KCNH5: variants seen among roughly 807,000 people sequenced by gnomAD.
KCNH5 encodes the protein voltage-gated delayed rectifier potassium channel KCNH5.
A neutral mutation model predicts 96.1 loss-of-function variants in KCNH5; 46 were observed. The ratio of observed to expected loss-of-function variants is 0.48; its 90% CI spans 0.38 to 0.61. The LOEUF (loss-of-function observed/expected upper bound fraction) is 0.61. KCNH5 is among the 20% of genes least tolerant of loss of function. KCNH5 has a pLI of 0.00. For synonymous variants in KCNH5, 439 were observed against 449.8 expected, an observed-to-expected ratio of 0.98 and a Z score of 0.30; for missense variants, 907 against 1,225.8, an observed-to-expected ratio of 0.74 and a Z score of 3.88.
At chr14:62,993,786 G>A (rs949445358) in intron 4 of KCNH5, among the ~76,000 whole-genome samples, 4 of 152,026 alleles carry the variant, frequency 2.6e-5, no homozygotes, top group African/African-American at 9.7e-5. Flanking sequence ...TACATTTACT[G>A]ATCTCACCTT....
intron 7 of KCNH5, among the ~76,000 whole-genome samples, chr14:62,917,294 A>C (rs1889293660): frequency 6.6e-6 from 1 of 150,956 alleles, no homozygotes; most frequent in Non-Finnish European, 1.5e-5. Context: ...TCATGTGTTT[A>C]CTGCTCCCTA....
At chr14:62,883,402 G>T (rs1462054828) in intron 7 of KCNH5, among the ~76,000 whole-genome samples, 1 of 152,164 alleles carries the variant, frequency 6.6e-6, no homozygotes, top group Non-Finnish European at 1.5e-5. Flanking sequence ...GGGTGATTAT[G>T]ATTAACTAGG....
intron 9 of KCNH5, among the ~76,000 whole-genome samples, chr14:62,792,101 G>A (rs749120719): frequency 8.8e-4 from 133 of 151,444 alleles, no homozygotes; most frequent in Non-Finnish European, 1.7e-3. Flanking sequence ...ATTTTAAAAA[G>A]GAAGAACAGA....
intron 7 of KCNH5, among the ~76,000 whole-genome samples, chr14:62,908,112 C>A (rs1034941074): frequency 6.6e-6 from 1 of 152,082 alleles, no homozygotes; most frequent in African/African-American, 2.4e-5. Flanking sequence ...ATGTTTTCAG[C>A]TCAGTTTGTA....
At chr14:62,866,015 G>A (rs2140061290) in intron 7 of KCNH5, among the ~76,000 whole-genome samples, 1 of 152,226 alleles carries the variant, frequency 6.6e-6, no homozygotes, top group East Asian at 1.9e-4. Flanking sequence ...AAATCCATGT[G>A]ATGACATATG....
chr14:63,034,625 A>G (rs1250405413), intron 1 of KCNH5, among the ~76,000 whole-genome samples: 1 of 152,214 alleles, frequency 6.6e-6, no homozygotes, highest in East Asian at 1.9e-4. Context: ...ATATCTGTTA[A>G]TTTATTCAAA....
At chr14:62,907,519 A>G (rs1394008661) in intron 7 of KCNH5, among the ~76,000 whole-genome samples, 1 of 152,210 alleles carries the variant, frequency 6.6e-6, no homozygotes, top group East Asian at 1.9e-4. Context: ...GGCAACTGCC[A>G]AGGTTAGTAT....
intron 2 of KCNH5, among the ~76,000 whole-genome samples, chr14:63,011,667 G>T (rs1012087768): frequency 1.3e-5 from 2 of 152,004 alleles, no homozygotes; most frequent in Non-Finnish European, 2.9e-5. Flanking sequence ...GGAAAAACAG[G>T]GATAGCACTG....
intron 9 of KCNH5, among the ~76,000 whole-genome samples, chr14:62,800,117 T>C (rs901632204): frequency 3.3e-5 from 5 of 151,906 alleles, no homozygotes; most frequent in Admixed American, 1.3e-4. Flanking sequence ...CCTGATCTGA[T>C]GGGCTTTTGA....
At chr14:62,770,577 T>C (rs1407013032) in intron 10 of KCNH5, among the ~76,000 whole-genome samples, 1 of 152,218 alleles carries the variant, frequency 6.6e-6, no homozygotes, top group Non-Finnish European at 1.5e-5. Flanking sequence ...TACCTCTATG[T>C]TCTGTTTTTC....
Position 62,702,881 on chromosome 14 carries a change from G to A in KCNH5, c.*4627C>T, listed in dbSNP as rs192647828. The A allele has an allele frequency of 6.6e-6, 1 of 151,924 alleles. No individual in the cohort carries two copies. The highest frequency in any genetic ancestry group is 1.9e-4 in the East Asian group (1 of 5,164). The allele number at this position is 151,924 out of a possible 1,614,324, so 9.4% of individuals were successfully genotyped here. A position where few individuals can be genotyped will look rare whatever the true frequency, so the allele number is the denominator to read the frequency against. On this transcript the variant is annotated 3_prime_UTR_variant, in exon 11 of 11. Transcript: ENST00000322893. ...TGTTATAAGAGTGTCTGCCCATGTG[G>A]AATCATATATCTTGAACAGGTCATG...
At chr14:62,725,643 A>G (rs1884909996) in intron 10 of KCNH5, among the ~76,000 whole-genome samples, 1 of 152,228 alleles carries the variant, frequency 6.6e-6, no homozygotes, top group African/African-American at 2.4e-5. Flanking sequence ...GACACATACT[A>G]TGCACAGGGA....
In KCNH5 at chr14:62,848,049, T is replaced by G. The variant is rs555451284; in HGVS notation, c.1569+1604A>C. On this transcript the variant is annotated intron_variant, in intron 8 of 10. Coordinates refer to ENST00000322893, the MANE Select transcript of KCNH5 (RefSeq NM_139318.5). Reference sequence around the variant, plus strand: ...TCAAAACTCTGCCCTGTACTAGATTTGTGCCAGAGGCCCTGGCTCAGACTC... The same window carrying G: ...TCAAAACTCTGCCCTGTACTAGATTGGTGCCAGAGGCCCTGGCTCAGACTC... 1.2e-4 allele frequency among the ~76,000 whole-genome samples: 18 copies of G among 152,378 alleles called. No individual in the cohort carries two copies. In the East Asian group the frequency reaches 2.1e-3, roughly 18 times the overall value.
intron 4 of KCNH5, among the ~76,000 whole-genome samples, chr14:62,994,645 T>C (rs1044220476): frequency 6.6e-6 from 1 of 152,042 alleles, no homozygotes; most frequent in Non-Finnish European, 1.5e-5. Flanking sequence ...ATTCTCAACC[T>C]GTGCTTCATT....
intron 10 of KCNH5, among the ~76,000 whole-genome samples, chr14:62,772,403 C>G (rs192650915): frequency 2.6e-4 from 39 of 152,090 alleles, no homozygotes; most frequent in African/African-American, 8.2e-4. Context: ...CTTCAAGAAG[C>G]TGAGATGGGC....
intron 10 of KCNH5, among the ~76,000 whole-genome samples, chr14:62,721,614 C>T (rs1199913706): frequency 2.0e-5 from 3 of 151,896 alleles, no homozygotes; most frequent in Non-Finnish European, 4.4e-5. Flanking sequence ...CAAACTGATT[C>T]TTAACATATT....
chr14:62,846,098 T>C (rs1011991674), intron 8 of KCNH5, among the ~76,000 whole-genome samples: 4 of 152,360 alleles, frequency 2.6e-5, no homozygotes, highest in Admixed American at 6.5e-5. Context: ...GGCATCATCT[T>C]TGACCATTTA....
intron 7 of KCNH5, among the ~76,000 whole-genome samples, chr14:62,850,535 T>C (rs1887783303): frequency 6.6e-6 from 1 of 152,178 alleles, no homozygotes; most frequent in Admixed American, 6.5e-5. Flanking sequence ...AATGTAAAGT[T>C]AGCCCACTGA....
chr14:63,032,786 A>T (rs968934406), intron 1 of KCNH5, among the ~76,000 whole-genome samples: 1 of 152,198 alleles, frequency 6.6e-6, no homozygotes, highest in African/African-American at 2.4e-5. Flanking sequence ...ATATTGAGCT[A>T]AGCTGTCTTT....
Sources: allele counts gnomAD v4.1 joint callset (sites outside exome capture counted in the v4.1 genomes callset), GRCh38; gene constraint gnomAD v4.1.1; transcripts MANE v1.5; gene names NCBI Gene and HGNC (gene_info 2026-07-23, HGNC 2026-07-21).